DSCAM: variants seen among roughly 807,000 people sequenced by gnomAD.
The protein encoded by DSCAM is DS cell adhesion molecule, also known as cell adhesion molecule DSCAM.
DSCAM carries 47 observed loss-of-function variants against 217.7 expected under a neutral mutation model. That is an observed-to-expected ratio of 0.22 (90% CI 0.17 to 0.28). The LOEUF (loss-of-function observed/expected upper bound fraction) is 0.28, where lower values mean the gene tolerates loss of function less well. DSCAM is among the 10% of genes least tolerant of loss of function. The probability of loss-of-function intolerance (pLI) is 1.00; values close to 1 mark genes in which losing one functional copy is unlikely to be tolerated. For synonymous variants in DSCAM, 1,056 were observed against 1,015.3 expected, an observed-to-expected ratio of 1.04 and a Z score of -0.76; for missense variants, 2,080 against 2,618.3, an observed-to-expected ratio of 0.79 and a Z score of 4.49.
chr21:40,387,879 AC>A (rs2075101038), intron 3 of DSCAM, among the ~76,000 whole-genome samples: 1 of 152,264 alleles, frequency 6.6e-6, no homozygotes, highest in South Asian at 2.1e-4. Context: ...GAAATAAAAC[AC>A]ATAACCCTTG....
At chr21:40,077,381 C>A (rs1411250819) in intron 26 of DSCAM, among the ~76,000 whole-genome samples, 8 of 152,128 alleles carry the variant, frequency 5.3e-5, no homozygotes, top group Non-Finnish European at 1.0e-4. Flanking sequence ...GAAGAGCCAG[C>A]CCTGGGCCAT....
intron 30 of DSCAM, 23 bp from the exon 31 acceptor site, chr21:40,044,298 T>C (rs982611061): frequency 6.2e-7 from 1 of 1,601,422 alleles, no homozygotes; most frequent in Non-Finnish European, 8.5e-7. Flanking sequence ...AAGAATCATG[T>C]CTGCCTTTGT....
At chr21:40,427,674 G>A (rs967453232) in intron 3 of DSCAM, among the ~76,000 whole-genome samples, 10 of 152,242 alleles carry the variant, frequency 6.6e-5, no homozygotes, top group Admixed American at 4.6e-4. Context: ...GTTAGGGAGA[G>A]GATAAGCTGC....
intron 1 of DSCAM, among the ~76,000 whole-genome samples, chr21:40,735,011 G>C (rs1369373795): frequency 6.6e-6 from 1 of 152,102 alleles, no homozygotes; most frequent in East Asian, 1.9e-4. Context: ...TATTTAAACT[G>C]GTCAACTATT....
intron 3 of DSCAM, among the ~76,000 whole-genome samples, chr21:40,488,902 C>A (rs1359496885): frequency 6.6e-6 from 1 of 152,152 alleles, no homozygotes; most frequent in Non-Finnish European, 1.5e-5. Context: ...AGAGAATTCA[C>A]AGAGATTCTG....
At chr21:40,280,978 T>C (rs191512742) in intron 10 of DSCAM, among the ~76,000 whole-genome samples, 34 of 152,282 alleles carry the variant, frequency 2.2e-4, no homozygotes, top group Admixed American at 4.6e-4. Context: ...GGAGTGAGCT[T>C]GGGAGAAGAC....
At chr21:40,026,975 T>A (rs1428211088) in intron 32 of DSCAM, among the ~76,000 whole-genome samples, 11 of 152,292 alleles carry the variant, frequency 7.2e-5, no homozygotes, top group Non-Finnish European at 7.3e-5. Context: ...CTAGTCTTGA[T>A]GGTCTCTACA....
Position 40,312,135 on chromosome 21 carries a change from T to C in DSCAM, c.2008A>G (p.Ile670Val), listed in dbSNP as rs2074145728. The C allele has an allele frequency of 1.2e-6, 2 of 1,613,980 alleles. No homozygotes were observed. Among genetic ancestry groups the C allele is most frequent in the Non-Finnish European group, 8.5e-7 (1 of 1,180,010 alleles). Residue 670 changes from isoleucine to valine, a missense_variant, in exon 9 of 33, where the codon ATA becomes GTA. Transcript: ENST00000400454. ...SLMHNGNYTC[I>V]ARNEAAAVEH... The stretch of plus-strand genomic sequence containing the variant: ...ACAGCGGCGGCCTCATTCCGGGCTA[T>C]GCAGGTGTAATTCCCATTGTGCATG...
At chr21:40,689,551 T>C (rs28699969) in intron 3 of DSCAM, among the ~76,000 whole-genome samples, 62,395 of 152,162 alleles carry the variant, frequency 0.41, 14,850 homozygotes, top group African/African-American at 0.67. Flanking sequence ...CTCACTCACT[T>C]AGTAAGATAC....
chr21:40,732,847 C>G (rs188958942), intron 1 of DSCAM, among the ~76,000 whole-genome samples: 1 of 152,286 alleles, frequency 6.6e-6, no homozygotes, highest in Non-Finnish European at 1.5e-5. Context: ...GAGCCAGCAC[C>G]ACGGATATGA....
chr21:40,250,693 C>T (rs1339732635), intron 11 of DSCAM, among the ~76,000 whole-genome samples: 1 of 152,196 alleles, frequency 6.6e-6, no homozygotes, highest in Non-Finnish European at 1.5e-5. Context: ...TCAGTGAGGG[C>T]TGCTGTGCTG....
chr21:40,212,780 A>G (rs991741904), intron 11 of DSCAM, among the ~76,000 whole-genome samples: 21 of 152,316 alleles, frequency 1.4e-4, no homozygotes, highest in African/African-American at 4.8e-4. Context: ...TTGCAGAGTT[A>G]AAGAAAGTAA....
At chr21:40,523,061 C>T (rs902314019) in intron 3 of DSCAM, among the ~76,000 whole-genome samples, 3 of 152,106 alleles carry the variant, frequency 2.0e-5, no homozygotes, top group Non-Finnish European at 4.4e-5. Flanking sequence ...AACTTTACTC[C>T]TCTATTGGAG....
chr21:40,021,205 C>CAAAAAAAAAAA (rs763435750), intron 32 of DSCAM, among the ~76,000 whole-genome samples: 1 of 85,078 alleles, frequency 1.2e-5, no homozygotes, highest in Non-Finnish European at 2.2e-5. Flanking sequence ...GACTCCGTCT[C>CAAAAAAAAAAA]AAAAAAAAAA....
chr21:40,228,470 G>A (rs1430212036), intron 11 of DSCAM, among the ~76,000 whole-genome samples: 2 of 151,976 alleles, frequency 1.3e-5, no homozygotes, highest in Non-Finnish European at 2.9e-5. Flanking sequence ...ACTTATCAGG[G>A]TGTATTTATT....
intron 15 of DSCAM, among the ~76,000 whole-genome samples, chr21:40,175,375 A>T (rs2146792600): frequency 6.6e-6 from 1 of 152,128 alleles, no homozygotes; most frequent in African/African-American, 2.4e-5. Context: ...CAGCCTCCCA[A>T]AGTGTTGGGA....
At chr21:40,167,147 A>G in intron 16 of DSCAM, 71 bp downstream of exon 16, 1 of 1,400,516 alleles carries the variant, frequency 7.1e-7, no homozygotes, top group East Asian at 2.3e-5. Flanking sequence ...TTGGTGTCAT[A>G]ACACTGAACA....
chr21:40,644,771 C>T (rs567716620), intron 3 of DSCAM, among the ~76,000 whole-genome samples: 1 of 152,276 alleles, frequency 6.6e-6, no homozygotes, highest in East Asian at 1.9e-4. Flanking sequence ...TGCTTCATTC[C>T]TTGTTGCATT....
At chr21:40,699,448 T>A (rs1430992302) in intron 2 of DSCAM, among the ~76,000 whole-genome samples, 2 of 152,232 alleles carry the variant, frequency 1.3e-5, no homozygotes, top group Non-Finnish European at 2.9e-5. Flanking sequence ...ATGATTAAAC[T>A]TAGTGATGAA....
Sources: gnomAD v4.1 joint callset for allele counts (sites outside exome capture counted in the v4.1 genomes callset) on GRCh38, gnomAD v4.1.1 for gene constraint, MANE v1.5 for transcripts, NCBI Gene and HGNC (gene_info 2026-07-23, HGNC 2026-07-21) for gene names.